The following PCDH19 variants were observed in gnomAD, a reference collection of about 807,000 sequenced individuals.
PCDH19 encodes protocadherin 19, also known as protocadherin-19.
Under a neutral mutation model 46.2 loss-of-function variants are expected in PCDH19, and 6 were observed. That is an observed-to-expected ratio of 0.13 (90% confidence interval 0.07 to 0.26). The LOEUF (loss-of-function observed/expected upper bound fraction) is 0.26, where lower values mean the gene tolerates loss of function less well. PCDH19 is among the 10% of genes least tolerant of loss of function. The probability of loss-of-function intolerance (pLI) is 1.00; values close to 1 mark genes in which losing one functional copy is unlikely to be tolerated. For synonymous variants in PCDH19, 481 were observed against 415.7 expected, an observed-to-expected ratio of 1.16 and a Z score of -1.91; for missense variants, 740 against 972.3, an observed-to-expected ratio of 0.76 and a Z score of 3.18.
At chrX:100,349,660 T>TG (rs1926513486) in intron 4 of PCDH19, among the ~76,000 whole-genome samples, 1 of 112,613 alleles carries the variant, frequency 8.9e-6, no homozygotes, top group African/African-American at 3.2e-5. Flanking sequence ...TAACATACCC[T>TG]GCTGGCCTCT....
intron 3 of PCDH19, among the ~76,000 whole-genome samples, chrX:100,397,838 C>T (rs1360406605): frequency 1.8e-5 from 2 of 111,896 alleles, no homozygotes; most frequent in African/African-American, 3.2e-5. Context: ...TCCATAAGAC[C>T]GGAAGAAAAA....
rs2147533269 is a variant in PCDH19 at position 100,402,709 on chromosome X, G to T, written c.2431C>A (p.Leu811Ile). Residue 811 changes from leucine to isoleucine, a missense_variant, in exon 3 of 6, where the codon CTC becomes ATC. Leu to Ile is a conservative substitution (Grantham distance 5). Transcript: ENST00000373034. ...VVSCSSLTSS[L>I]NYFDYHQQTL... is the part of the protein sequence containing the mutation. ...TGCTGGTGGTAGTCAAAATAGTTGA[G>T]GGAGGAGGTCAGGGAAGAGCAACTG... 8.3e-7 allele frequency: 1 copy of T among 1,211,724 alleles called. No homozygotes were observed. Among genetic ancestry groups the T allele is most frequent in the Non-Finnish European group, 1.1e-6 (1 of 895,315 alleles).
chrX:100,355,384 GT>G, intron 3 of PCDH19, among the ~76,000 whole-genome samples: 1 of 111,683 alleles, frequency 9.0e-6, no homozygotes. Context: ...CCAAACTGCT[GT>G]GGTTTTTTTC....
intron 5 of PCDH19, among the ~76,000 whole-genome samples, chrX:100,336,632 G>A (rs144077085): frequency 7.1e-4 from 80 of 112,067 alleles, no homozygotes; most frequent in African/African-American, 2.5e-3. Context: ...GCATTTGGAC[G>A]CATTTGGATA....
rs1356044384 is a variant in PCDH19, at chrX:100,403,550, CTCTG to C, written c.2258_2261del (p.Thr753ArgfsTer4). 8.3e-7 allele frequency: 1 copy of C among 1,208,556 alleles called. No homozygotes were observed. Among genetic ancestry groups the C allele is most frequent in the African/African-American group, 1.7e-5 (1 of 57,267 alleles). On this transcript the variant is annotated frameshift_variant, in exon 2 of 6. Transcript: ENST00000373034. LOFTEE classifies it high-confidence loss of function. ...TCTTTCCCCTTAGGCTCACTTTCTC[CTCTG>C]TCTTTTTGTCTTGCTCCTCGCTAAT... is the stretch of plus-strand genomic sequence containing the variant.
In PCDH19 at chrX:100,402,510, T is replaced by A; in HGVS notation, c.2616+14A>T. The A allele has an allele frequency of 2.5e-6, 3 of 1,201,785 alleles. No homozygotes were observed. The highest frequency in any genetic ancestry group is 3.4e-6 in the Non-Finnish European group (3 of 886,534). On this transcript the variant is annotated intron_variant, in intron 3 of 5. Coordinates refer to ENST00000373034, the MANE Select transcript of PCDH19 (RefSeq NM_001184880.2). Reference sequence around the variant, plus strand: ...ACCTGGGAGAACCTCACAGAGCCACTTAGCTGCACTCACCTCAGGCAGAGG... The same window carrying A: ...ACCTGGGAGAACCTCACAGAGCCACATAGCTGCACTCACCTCAGGCAGAGG...
intron 3 of PCDH19, among the ~76,000 whole-genome samples, chrX:100,376,677 G>T (rs1372319189): frequency 4.3e-5 from 4 of 93,508 alleles, no homozygotes; most frequent in Non-Finnish European, 9.2e-5. Context: ...CAGTAACTTA[G>T]ATTTTTTTCT....
chrX:100,375,368 A>C (rs1012372699), intron 3 of PCDH19, among the ~76,000 whole-genome samples: 6 of 111,731 alleles, frequency 5.4e-5, no homozygotes, highest in African/African-American at 2.0e-4. Context: ...TCCTTGCGAT[A>C]GTTTGCTGAG....
At position 100,408,541 on chromosome X, in the gene PCDH19, A is replaced by C; in HGVS notation, c.57T>G (p.Ala19=). ...AGTACTTGAGATTAATGAGGGCGGC[A>C]GCCTGCGTCCACAGTATGGCCAGCA... The part of the protein sequence containing the change: ...LLLLAILWTQ[A]AALINLKYSV... The change falls in exon 1 of 6, where the codon GCT becomes GCG. Residue 19 remains alanine, a synonymous_variant. Coordinates refer to ENST00000373034, the MANE Select transcript of PCDH19 (RefSeq NM_001184880.2). 8.4e-7 allele frequency: 1 copy of C among 1,197,105 alleles called. No individual in the cohort carries two copies. Among genetic ancestry groups the C allele is most frequent in the South Asian group, 1.8e-5 (1 of 55,754 alleles).
intron 5 of PCDH19, among the ~76,000 whole-genome samples, chrX:100,305,582 G>A (rs1020250086): frequency 1.8e-5 from 2 of 111,764 alleles, no homozygotes; most frequent in African/African-American, 6.5e-5. Flanking sequence ...TACTAATGTT[G>A]AATGTAAATG....
rs372952752 is a variant in PCDH19, at chrX:100,406,954, C to G, written c.1644G>C (p.Thr548=). ...GGLPSLQSNA[T]VRVIILDVND... is the part of the protein sequence containing the mutation. ...TGACGTCGAGGATGATGACCCGCAC[C>G]GTAGCGTTGCTTTGCAGTGAGGGAA... is the stretch of plus-strand genomic sequence containing the variant. Residue 548 remains threonine, a synonymous_variant, in exon 1 of 6, where the codon ACG becomes ACC. Transcript: ENST00000373034. 4 of 1,211,804 alleles carry G rather than the reference C, an allele frequency of 3.3e-6. No individual in the cohort carries two copies. The East Asian group carries it at 8.9e-5, about 27-fold the overall frequency.
intron 5 of PCDH19, among the ~76,000 whole-genome samples, chrX:100,300,927 A>AT (rs949348152): frequency 1.8e-5 from 2 of 110,229 alleles, no homozygotes; most frequent in African/African-American, 6.6e-5. Context: ...AAAAAAAAAA[A>AT]AATTAAAGCA....
In PCDH19 at chrX:100,296,269, A is replaced by G. The variant is rs145987305; in HGVS notation, c.*8T>C. 5.7e-4 allele frequency: 669 copies of G among 1,180,965 alleles called. 3 individuals are homozygous for G. In the African/African-American group the frequency reaches 9.8e-3, roughly 17 times the overall value. On this transcript the variant is annotated 3_prime_UTR_variant, in exon 6 of 6. Coordinates refer to ENST00000373034, the MANE Select transcript of PCDH19 (RefSeq NM_001184880.2). ...TGTGGTTTCTTTCTCTTCTTCCTGG[A>G]GACTGGTTTAGAGAACGATATCCTT...
At chrX:100,396,752 C>T (rs766141906) in intron 3 of PCDH19, among the ~76,000 whole-genome samples, 179 of 112,189 alleles carry the variant, frequency 1.6e-3, no homozygotes, top group African/African-American at 5.4e-3. Flanking sequence ...ACTGGGAAAC[C>T]GGCTGTCTCA....
intron 3 of PCDH19, among the ~76,000 whole-genome samples, chrX:100,381,044 C>T (rs1023178031): frequency 6.2e-5 from 7 of 112,144 alleles, no homozygotes; most frequent in Non-Finnish European, 1.3e-4. Context: ...CTATTTCTGA[C>T]CTTTCTGGTT....
intron 3 of PCDH19, among the ~76,000 whole-genome samples, chrX:100,356,068 T>C (rs1926703863): frequency 9.4e-6 from 1 of 106,669 alleles, no homozygotes; most frequent in Non-Finnish European, 1.9e-5. Flanking sequence ...CCCAGGTCAC[T>C]ATACCAAGCA....
intron 3 of PCDH19, among the ~76,000 whole-genome samples, chrX:100,392,383 G>A (rs1329556603): frequency 8.9e-6 from 1 of 111,998 alleles, no homozygotes; most frequent in Non-Finnish European, 1.9e-5. Context: ...CAGAAAATTG[G>A]TGTTTCATAT....
intron 3 of PCDH19, among the ~76,000 whole-genome samples, chrX:100,401,599 C>A (rs1928181289): frequency 9.1e-6 from 1 of 109,471 alleles, no homozygotes; most frequent in Admixed American, 9.7e-5. Flanking sequence ...TTGCGGTGAG[C>A]CAACATTGTG....
chrX:100,333,174 G>GAA (rs1167397761), intron 5 of PCDH19, among the ~76,000 whole-genome samples: 12 of 28,949 alleles, frequency 4.1e-4, no homozygotes, highest in African/African-American at 1.4e-3. Context: ...AGGAAGGAAG[G>GAA]GAGAGAGAGA....
Sources: gnomAD v4.1 joint callset for allele counts (sites outside exome capture counted in the v4.1 genomes callset) on GRCh38, gnomAD v4.1.1 for gene constraint, MANE v1.5 for transcripts, NCBI Gene and HGNC (gene_info 2026-07-23, HGNC 2026-07-21) for gene names.